Variants in MMP24 observed in about 807,000 individuals in gnomAD.
MMP24 encodes the protein matrix metalloproteinase-24.
In MMP24, 25 loss-of-function variants were observed where a neutral mutation model predicts 62.8. The observed-to-expected ratio is 0.40, with a 90% CI of 0.29 to 0.56. The LOEUF is 0.56. MMP24 is among the 20% of genes least tolerant of loss of function. The pLI, the probability that MMP24 is intolerant of heterozygous loss-of-function variation, is 0.50. For synonymous variants in MMP24, 319 were observed against 350.5 expected (o/e 0.91, Z 1.00); for missense variants, 634 against 853.6 (o/e 0.74, Z 3.21).
chr20:35,232,237 T>C (rs2060440959), intron 1 of MMP24, among the ~76,000 whole-genome samples: 1 of 152,172 alleles, frequency 6.6e-6, no homozygotes, highest in Non-Finnish European at 1.5e-5. Flanking sequence ...TAAATTATAA[T>C]TGTACCCAAA....
intron 1 of MMP24, among the ~76,000 whole-genome samples, chr20:35,241,364 C>T (rs1324205254): frequency 6.6e-6 from 1 of 152,168 alleles, no homozygotes; most frequent in African/African-American, 2.4e-5. Context: ...TGTCCTGTCC[C>T]CTGGCTTAGA....
chr20:35,239,259 G>A (rs987619733), intron 1 of MMP24, among the ~76,000 whole-genome samples: 3 of 151,754 alleles, frequency 2.0e-5, no homozygotes, highest in Admixed American at 6.6e-5. Flanking sequence ...GGATGGTCTC[G>A]ATCTCTTGAC....
Position 35,267,366 on chromosome 20 carries a change from G to T in MMP24, c.1141G>T (p.Asp381Tyr). The stretch of plus-strand genomic sequence containing the variant: ...ACCAGGCACCAAACCCAACATCTGT[G>T]ACGGCAACTTCAACACAGTGGCCCT... ...STPGTKPNIC[D>Y]GNFNTVALFR... Residue 381 changes from aspartate to tyrosine, a missense_variant, in exon 6 of 9, where the codon GAC becomes TAC. This residue lies in a region of MMP24 where 399 missense variants were observed against 530.8 expected (regional missense o/e 0.75). Coordinates refer to ENST00000246186, the MANE Select transcript of MMP24 (RefSeq NM_006690.4). The T allele has an allele frequency of 6.3e-7, 1 of 1,577,788 alleles. No homozygotes were observed. The highest frequency in any genetic ancestry group is 8.6e-7 in the Non-Finnish European group (1 of 1,162,152).
chr20:35,269,127 G>A lies in MMP24; in HGVS notation c.1195-633G>A, dbSNP rs866211417. Among the ~76,000 whole-genome samples, 13 of 152,094 alleles carry A rather than the reference G, an allele frequency of 8.5e-5. No homozygotes were observed. The highest frequency in any genetic ancestry group is 2.1e-4 in the South Asian group (1 of 4,826). ...GACTGAGGCACCAGTTACAAGAGGC[G>A]TTTTTACTGGACTCGGACTATTTAG... On this transcript the variant is annotated intron_variant, in intron 6 of 8. Coordinates refer to ENST00000246186, the MANE Select transcript of MMP24 (RefSeq NM_006690.4). This position sits in a 1 kb window ranked among gnomAD's most constrained non-coding sequence, Gnocchi z 4.6.
rs2060653874 is a variant in MMP24 at position 35,269,189 on chromosome 20, T to C, written c.1195-571T>C. Among the ~76,000 whole-genome samples the C allele has an allele frequency of 6.6e-6, 1 of 152,236 alleles. No individual in the cohort carries two copies. The highest frequency in any genetic ancestry group is 1.5e-5 in the Non-Finnish European group (1 of 68,048). ...TCAACATGGACTGTGTGCCCCGTAC[T>C]GGTCTGGGCATTTTGCCTAGAATCT... On this transcript the variant is annotated intron_variant, in intron 6 of 8. Coordinates refer to ENST00000246186, the MANE Select transcript of MMP24 (RefSeq NM_006690.4). The surrounding 1 kb of genome is among the most constrained non-coding windows in gnomAD (Gnocchi z 4.6).
chr20:35,264,707 CAAAAAAAAAAAAAA>C (rs57309455), intron 5 of MMP24, among the ~76,000 whole-genome samples: 14 of 43,540 alleles, frequency 3.2e-4, no homozygotes, highest in East Asian at 1.2e-3. Context: ...GACTCCGTCT[CAAAAAAAAAAAAAA>C]AAAAAAAAAA....
In MMP24 at chr20:35,275,261, G is replaced by C. The variant is rs935477799; in HGVS notation, c.*652G>C. 6.5e-6 allele frequency: 1 copy of C among 153,346 alleles called. No homozygotes were observed. Among genetic ancestry groups the C allele is most frequent in the South Asian group, 2.1e-4 (1 of 4,854 alleles). The allele number at this position is 153,346 out of a possible 1,614,324, so 9.5% of individuals were successfully genotyped here. ...GCAGGGCTGTGGCCCAGCTGGGTCT[G>C]ACAAGGACCCAGCTGTCACATCGTG... On this transcript the variant is annotated 3_prime_UTR_variant, in exon 9 of 9. Coordinates refer to ENST00000246186, the MANE Select transcript of MMP24 (RefSeq NM_006690.4).
intron 4 of MMP24, chr20:35,263,363 G>A (rs1174807595): frequency 6.5e-6 from 1 of 153,978 alleles, no homozygotes; most frequent in Non-Finnish European, 1.4e-5. Context: ...TCTGGACTGT[G>A]TTTATTGCAT....
intron 1 of MMP24, among the ~76,000 whole-genome samples, chr20:35,237,575 G>A (rs12479765): frequency 0.17 from 26,108 of 152,142 alleles, 2,341 homozygotes; most frequent in Middle Eastern, 0.31. Flanking sequence ...TTAGGATGTG[G>A]CTGTCTTTGA....
At chr20:35,253,289 T>TTTTTTTTTTTTTTTTTTTTTTTA (rs2060557809) in intron 3 of MMP24, among the ~76,000 whole-genome samples, 1 of 150,090 alleles carries the variant, frequency 6.7e-6, no homozygotes. Context: ...TTTTTTTTTT[T>TTTTTTTTTTTTTTTTTTTTTTTA]TTTTCAGAAA....
chr20:35,268,396 C>A (rs1286485205), intron 6 of MMP24, among the ~76,000 whole-genome samples: 1 of 152,170 alleles, frequency 6.6e-6, no homozygotes, highest in African/African-American at 2.4e-5. Flanking sequence ...TGCCTCGCTC[C>A]CCTTGTGGAG....
intron 5 of MMP24, among the ~76,000 whole-genome samples, chr20:35,265,723 A>C (rs916978220): frequency 1.3e-5 from 2 of 151,806 alleles, no homozygotes; most frequent in Admixed American, 6.6e-5. Flanking sequence ...CTACCCCCCC[A>C]AAAATATATT....
chr20:35,232,128 T>A (rs1339999241), intron 1 of MMP24, among the ~76,000 whole-genome samples: 1 of 152,276 alleles, frequency 6.6e-6, no homozygotes, highest in African/African-American at 2.4e-5. Flanking sequence ...ACAAGTTTCC[T>A]GTTCTGGATT....
rs1430921330 is a variant in MMP24, at chr20:35,254,482, T to C, written c.545T>C (p.Leu182Pro). The change falls in exon 4 of 9, where the codon CTA becomes CCA. Residue 182 changes from leucine (L) to proline (P), a missense_variant. Leu to Pro is a moderately conservative substitution (Grantham distance 98). Transcript: ENST00000246186. ...IHNYTPKVGE[L>P]DTRKAIRQAF... ...AACTATACCCCAAAAGTGGGTGAGC[T>C]AGACACGCGGAAAGCTATTCGCCAG... The C allele has an allele frequency of 1.9e-6, 3 of 1,613,898 alleles. No homozygotes were observed. The highest frequency in any genetic ancestry group is 2.5e-6 in the Non-Finnish European group (3 of 1,179,906).
At chr20:35,243,205 GA>G (rs1187791540) in intron 1 of MMP24, among the ~76,000 whole-genome samples, 2 of 151,750 alleles carry the variant, frequency 1.3e-5, no homozygotes, top group African/African-American at 4.8e-5. Context: ...AATCTGCTCA[GA>G]ATGTGCTATG....
intron 1 of MMP24, among the ~76,000 whole-genome samples, chr20:35,233,015 C>T (rs541400534): frequency 1.3e-5 from 2 of 152,218 alleles, no homozygotes; most frequent in South Asian, 4.1e-4. Context: ...CTTGGCCTCC[C>T]AAAGGGCTTA....
At chr20:35,235,914 G>A (rs377304911) in intron 1 of MMP24, among the ~76,000 whole-genome samples, 3 of 152,126 alleles carry the variant, frequency 2.0e-5, no homozygotes, top group East Asian at 3.9e-4. Flanking sequence ...CCTGACTGTG[G>A]GCAGAGGCCT....
chr20:35,253,367 C>T lies in MMP24; in HGVS notation c.513-1083C>T, dbSNP rs900514077. Among the ~76,000 whole-genome samples the T allele has an allele frequency of 5.7e-5, 8 of 140,292 alleles. No homozygotes were observed. In the East Asian group the frequency reaches 6.4e-4, roughly 11 times the overall value. The allele number at this position is 140,292 out of a possible 152,430, so 92.0% of individuals were successfully genotyped here. ...CTGCTGATAAGCTGTCCCTTCAGAACGGGATTTTTTTTTTCCAGAAATCTG... is the reference window on the plus strand; with the variant it reads ...CTGCTGATAAGCTGTCCCTTCAGAATGGGATTTTTTTTTTCCAGAAATCTG... On this transcript the variant is annotated intron_variant, in intron 3 of 8. Coordinates refer to ENST00000246186, the MANE Select transcript of MMP24 (RefSeq NM_006690.4).
chr20:35,274,209 C>G lies in MMP24; in HGVS notation c.1601-63C>G. 6.7e-7 allele frequency: 1 copy of G among 1,492,676 alleles called. No homozygotes were observed. The highest frequency in any genetic ancestry group is 9.1e-7 in the Non-Finnish European group (1 of 1,101,182). 92.5% of individuals were successfully genotyped at this position (1,492,676 alleles called of 1,614,324 possible). A position where few individuals can be genotyped will look rare whatever the true frequency, so the allele number is the denominator to read the frequency against. On this transcript the variant is annotated intron_variant, in intron 8 of 8. Transcript: ENST00000246186. The surrounding 1 kb of genome is among the most constrained non-coding windows in gnomAD (Gnocchi z 5.1). ...CACAGTGCCTGTGCCCTCCTTTTCA[C>G]ACTGCCCCAGAGCAGGTGCCGGAAG...
Sources: allele counts gnomAD v4.1 joint callset (sites outside exome capture counted in the v4.1 genomes callset), GRCh38; gene constraint gnomAD v4.1.1; regional missense constraint gnomAD v4.1.1; non-coding constraint Gnocchi (gnomAD v3.1); transcripts MANE v1.5; gene names NCBI Gene and HGNC (gene_info 2026-07-23, HGNC 2026-07-21).